The following NKAIN2 variants were observed in gnomAD, a reference collection of about 807,000 sequenced individuals.
The protein encoded by NKAIN2 is sodium/potassium-transporting ATPase subunit beta-1-interacting protein 2.
NKAIN2 carries 14 observed loss-of-function variants against 32.6 expected under a neutral mutation model. That is an observed-to-expected ratio of 0.43 (90% CI 0.28 to 0.67). The LOEUF (loss-of-function observed/expected upper bound fraction) is 0.67, where lower values mean the gene tolerates loss of function less well. Ranked by LOEUF, NKAIN2 falls within the 30% of genes least tolerant of loss-of-function variation. The pLI, the probability that NKAIN2 is intolerant of heterozygous loss-of-function variation, is 0.17. For missense variants in NKAIN2, 198 were observed against 258.3 expected, an observed-to-expected ratio of 0.77 and a Z score of 1.60; for synonymous variants, 80 against 87.2, an observed-to-expected ratio of 0.92 and a Z score of 0.46.
intron 4 of NKAIN2, among the ~76,000 whole-genome samples, chr6:124,752,160 C>T (rs1233747401): frequency 6.6e-6 from 1 of 151,980 alleles, no homozygotes; most frequent in Non-Finnish European, 1.5e-5. Context: ...CACATCATGG[C>T]CCGTGCTATC....
At chr6:124,309,629 GA>G (rs1381674163) in intron 2 of NKAIN2, among the ~76,000 whole-genome samples, 1 of 152,000 alleles carries the variant, frequency 6.6e-6, no homozygotes, top group African/African-American at 2.4e-5. Context: ...TTTCAACCAA[GA>G]ACCTTACATT....
chr6:124,224,097 TG>T (rs1274947441), intron 1 of NKAIN2, among the ~76,000 whole-genome samples: 2 of 152,094 alleles, frequency 1.3e-5, no homozygotes, highest in African/African-American at 4.8e-5. Context: ...CTTCTGTGTA[TG>T]GGGGGGATGT....
At position 124,102,196 on chromosome 6, in the gene NKAIN2, G is replaced by T. The variant is rs991706458; in HGVS notation, c.55-180809G>T. Among the ~76,000 whole-genome samples the T allele has an allele frequency of 2.0e-5, 3 of 152,164 alleles. No individual in the cohort carries two copies. In the East Asian group the frequency reaches 5.8e-4, roughly 29 times the overall value. Reference sequence around the variant, plus strand: ...GCACAGGAAAAGGACAACATGATGTGGTGCGGGGACCACTGCCCCTTCACT... The same window carrying T: ...GCACAGGAAAAGGACAACATGATGTTGTGCGGGGACCACTGCCCCTTCACT... On this transcript the variant is annotated intron_variant, in intron 1 of 6. Coordinates refer to ENST00000368417, the MANE Select transcript of NKAIN2 (RefSeq NM_001040214.3).
At chr6:124,375,144 G>A (rs926228925) in intron 3 of NKAIN2, among the ~76,000 whole-genome samples, 2 of 151,878 alleles carry the variant, frequency 1.3e-5, no homozygotes, top group East Asian at 3.9e-4. Flanking sequence ...TTATCTTCAC[G>A]TAGGTCTCTG....
intron 4 of NKAIN2, among the ~76,000 whole-genome samples, chr6:124,713,087 T>C (rs1775581815): frequency 6.6e-6 from 1 of 152,100 alleles, no homozygotes; most frequent in Non-Finnish European, 1.5e-5. Context: ...AATAATATCA[T>C]ACATTTATGG....
intron 2 of NKAIN2, among the ~76,000 whole-genome samples, chr6:124,305,883 A>G (rs1314020116): frequency 6.6e-6 from 1 of 151,984 alleles, no homozygotes; most frequent in Non-Finnish European, 1.5e-5. Flanking sequence ...GTCTCTCATT[A>G]TTGTCTCCCT....
chr6:124,033,013 C>A (rs1781470335), intron 1 of NKAIN2, among the ~76,000 whole-genome samples: 1 of 151,940 alleles, frequency 6.6e-6, no homozygotes, highest in Non-Finnish European at 1.5e-5. Flanking sequence ...GTAAACTGAA[C>A]CACTTTGGCT....
chr6:124,726,439 C>T (rs1241521760), intron 4 of NKAIN2, among the ~76,000 whole-genome samples: 1 of 152,116 alleles, frequency 6.6e-6, no homozygotes, highest in Non-Finnish European at 1.5e-5. Flanking sequence ...CACCCCCCAG[C>T]AGGGGCACAC....
chr6:124,129,765 A>G (rs7768034), intron 1 of NKAIN2, among the ~76,000 whole-genome samples: 8,499 of 151,924 alleles, frequency 0.056, 375 homozygotes, highest in East Asian at 0.12. Flanking sequence ...TTACAGGTGC[A>G]CGCCACCATG....
In NKAIN2 at chr6:124,559,834, A is replaced by ATTTTTTTT. The variant is rs55701016; in HGVS notation, c.274-98332_274-98325dup. ...GTGGAAGGCGAGTAAGAAATAAACC[A>ATTTTTTTT]TTTTTTTTTTTTTTTTTTTTTTTTT... On this transcript the variant is annotated intron_variant, in intron 3 of 6. Coordinates refer to ENST00000368417, the MANE Select transcript of NKAIN2 (RefSeq NM_001040214.3). 2.3e-4 allele frequency among the ~76,000 whole-genome samples: 17 copies of ATTTTTTTT among 73,762 alleles called. 1 individual carries two copies. The highest frequency in any genetic ancestry group is 9.0e-4 in the Admixed American group (4 of 4,444). 48.4% of individuals were successfully genotyped at this position (73,762 alleles called of 152,430 possible). A position where few individuals can be genotyped will look rare whatever the true frequency, so the allele number is the denominator to read the frequency against.
At chr6:124,347,318 G>A (rs1363410610) in intron 2 of NKAIN2, among the ~76,000 whole-genome samples, 1 of 150,438 alleles carries the variant, frequency 6.6e-6, no homozygotes, top group African/African-American at 2.4e-5. Context: ...GTGTCTTGGA[G>A]TTGCTCTTCT....
chr6:123,979,965 A>C (rs1381869063), intron 1 of NKAIN2, among the ~76,000 whole-genome samples: 2 of 152,156 alleles, frequency 1.3e-5, no homozygotes, highest in African/African-American at 4.8e-5. Flanking sequence ...CAACATTATG[A>C]TACAGGTTGA....
At chr6:124,401,609 A>G (rs76272506) in intron 3 of NKAIN2, among the ~76,000 whole-genome samples, 3 of 152,270 alleles carry the variant, frequency 2.0e-5, no homozygotes, top group Admixed American at 2.0e-4. Context: ...GGCTTTTTCC[A>G]TGTTGCCATT....
chr6:124,210,795 G>A (rs1410553933), intron 1 of NKAIN2, among the ~76,000 whole-genome samples: 2 of 151,374 alleles, frequency 1.3e-5, no homozygotes, highest in Non-Finnish European at 3.0e-5. Flanking sequence ...TGTTGATATT[G>A]TGTTCTACAA....
chr6:123,948,389 G>A (rs539801486), intron 1 of NKAIN2, among the ~76,000 whole-genome samples: 2 of 151,810 alleles, frequency 1.3e-5, no homozygotes, highest in African/African-American at 4.8e-5. Context: ...TCCACCAATG[G>A]AAATTAGTGG....
intron 3 of NKAIN2, among the ~76,000 whole-genome samples, chr6:124,416,093 A>T (rs1036716443): frequency 6.6e-6 from 1 of 152,014 alleles, no homozygotes; most frequent in South Asian, 2.1e-4. Context: ...ACTAAGGATA[A>T]CTAAGACCTC....
intron 1 of NKAIN2, among the ~76,000 whole-genome samples, chr6:123,987,070 G>A (rs1032196694): frequency 5.9e-5 from 9 of 152,122 alleles, no homozygotes; most frequent in East Asian, 1.9e-4. Context: ...ACCACATTAC[G>A]AAGTTGTGAA....
chr6:124,624,001 G>A (rs113803068), intron 3 of NKAIN2, among the ~76,000 whole-genome samples: 1 of 151,096 alleles, frequency 6.6e-6, no homozygotes, highest in African/African-American at 2.4e-5. Context: ...TACTGTGATT[G>A]GTTAGCTTGA....
Position 123,850,525 on chromosome 6 carries a change from A to G in NKAIN2, c.54+46271A>G, listed in dbSNP as rs574761715. 1.1e-3 allele frequency among the ~76,000 whole-genome samples: 166 copies of G among 152,186 alleles called. 3 individuals carry two copies. The highest frequency in any genetic ancestry group is 3.8e-3 in the African/African-American group (158 of 41,520). On this transcript the variant is annotated intron_variant, in intron 1 of 6. Transcript: ENST00000368417. Reference sequence around the variant, plus strand: ...CTATGTTCTTGTGGGAACAATTTTTATGTGTTTAGTAGGCTAATTTAGTAG... The same window carrying G: ...CTATGTTCTTGTGGGAACAATTTTTGTGTGTTTAGTAGGCTAATTTAGTAG...
Sources: gnomAD v4.1 joint callset for allele counts (sites outside exome capture counted in the v4.1 genomes callset) on GRCh38, gnomAD v4.1.1 for gene constraint, MANE v1.5 for transcripts, NCBI Gene and HGNC (gene_info 2026-07-23, HGNC 2026-07-21) for gene names.